ANKRD31: variants seen among roughly 807,000 people sequenced by gnomAD.
The protein encoded by ANKRD31 is ankyrin repeat domain 31.
In ANKRD31, 147 loss-of-function variants were observed where a neutral mutation model predicts 186.0. The ratio of observed to expected loss-of-function variants is 0.79; its 90% confidence interval spans 0.69 to 0.91. The LOEUF is 0.91. Ranked by LOEUF, ANKRD31 falls within the 40% of genes least tolerant of loss-of-function variation. The pLI is 0.00. For missense variants in ANKRD31, 1,986 were observed against 2,148.8 expected (o/e 0.92, Z 1.50); for synonymous variants, 673 against 736.4 (o/e 0.91, Z 1.39).
chr5:75,095,473 C>A (rs74934794), intron 22 of ANKRD31, among the ~76,000 whole-genome samples: 36 of 144,742 alleles, frequency 2.5e-4, no homozygotes, highest in South Asian at 4.4e-4. Context: ...GACTCCGTCT[C>A]AAAAAAAAAA....
intron 13 of ANKRD31, among the ~76,000 whole-genome samples, chr5:75,148,282 A>T (rs1056745967): frequency 6.6e-6 from 1 of 151,744 alleles, no homozygotes; most frequent in Admixed American, 6.6e-5. Flanking sequence ...AATACCTTTG[A>T]CTCTTTCCTG....
chr5:75,080,613 G>A lies in ANKRD31; in HGVS notation c.5602C>T (p.Gln1868Ter), dbSNP rs1475640497. The A allele has an allele frequency of 1.3e-6, 2 of 1,526,766 alleles. No homozygotes were observed. Among genetic ancestry groups the A allele is most frequent in the Admixed American group, 2.0e-5 (1 of 49,056 alleles). 94.6% of individuals were successfully genotyped at this position (1,526,766 alleles called of 1,614,324 possible). The change falls in exon 25 of 26, where the codon CAG becomes TAG. Residue 1868 changes from glutamine (Q) to a stop codon, truncating the protein, a stop_gained. Transcript: ENST00000506364. LOFTEE classifies it high-confidence loss of function. ...PEVACLDDPV[Q>*]EPNKSMFEKT... The stretch of plus-strand genomic sequence containing the variant: ...TCAAACATTGATTTGTTTGGTTCCT[G>A]TACTGGGTCATCTAAACAAGCAACT...
intron 12 of ANKRD31, 151 bp downstream of exon 12, chr5:75,154,050 G>T: frequency 1.3e-6 from 1 of 746,276 alleles, no homozygotes; most frequent in Non-Finnish European, 1.9e-6. Context: ...ACAAGTCAGT[G>T]TGATTTATTA....
chr5:75,068,998 T>A (rs1296010645), intron 25 of ANKRD31, among the ~76,000 whole-genome samples: 1 of 152,194 alleles, frequency 6.6e-6, no homozygotes, highest in African/African-American at 2.4e-5. Flanking sequence ...AGATTTTGCA[T>A]GTGAAATTCT....
At chr5:75,224,927 C>T (rs1354495553) in intron 2 of ANKRD31, among the ~76,000 whole-genome samples, 1 of 152,024 alleles carries the variant, frequency 6.6e-6, no homozygotes, top group African/African-American at 2.4e-5. Flanking sequence ...AATGCTCTTA[C>T]AAATCAATAA....
chr5:75,114,751 TAA>T (rs1488108375), intron 19 of ANKRD31, among the ~76,000 whole-genome samples: 22 of 152,064 alleles, frequency 1.4e-4, no homozygotes, highest in Non-Finnish European at 1.6e-4. Context: ...CTCAACGAAA[TAA>T]AAGAGGATAC....
intron 22 of ANKRD31, among the ~76,000 whole-genome samples, chr5:75,093,221 C>T (rs531770519): frequency 2.0e-5 from 3 of 152,272 alleles, no homozygotes; most frequent in South Asian, 4.2e-4. Flanking sequence ...TGGCTCACAC[C>T]TGCAATTCCA....
chr5:75,181,373 T>A (rs1754279013), intron 10 of ANKRD31, among the ~76,000 whole-genome samples: 1 of 152,088 alleles, frequency 6.6e-6, no homozygotes, highest in Admixed American at 6.6e-5. Context: ...GACCCAGCCA[T>A]CCCATTACTG....
At chr5:75,228,020 T>C (rs979984834) in intron 2 of ANKRD31, among the ~76,000 whole-genome samples, 1 of 152,220 alleles carries the variant, frequency 6.6e-6, no homozygotes, top group Non-Finnish European at 1.5e-5. Context: ...TTATCTTCCA[T>C]GAAACTGGTC....
chr5:75,138,009 AAAAAG>A lies in ANKRD31; in HGVS notation c.3734-16_3734-12del. The A allele has an allele frequency of 2.8e-6, 4 of 1,406,966 alleles. No homozygotes were observed. Among genetic ancestry groups the A allele is most frequent in the South Asian group, 1.5e-5 (1 of 65,544 alleles). 87.2% of individuals were successfully genotyped at this position (1,406,966 alleles called of 1,614,324 possible). A position where few individuals can be genotyped will look rare whatever the true frequency, so the allele number is the denominator to read the frequency against. ...GAAGTGGTGTCCAACCTAAAAAAAG[AAAAAG>A]AAAAAAAAAAACCCTGCTTCATGCG... On this transcript the variant is annotated splice_polypyrimidine_tract_variant and intron_variant, in intron 16 of 25. Coordinates refer to ENST00000506364, the MANE Select transcript of ANKRD31 (RefSeq NM_001372053.1).
intron 11 of ANKRD31, among the ~76,000 whole-genome samples, chr5:75,158,716 C>T (rs780659263): frequency 1.4e-4 from 21 of 152,028 alleles, no homozygotes; most frequent in Non-Finnish European, 2.4e-4. Flanking sequence ...CACCTGTTCC[C>T]AAAAATTCGA....
chr5:75,086,132 C>A (rs1216706189), intron 23 of ANKRD31, among the ~76,000 whole-genome samples: 1 of 152,226 alleles, frequency 6.6e-6, no homozygotes, highest in African/African-American at 2.4e-5. Flanking sequence ...ATAAATCCAT[C>A]AAAGTGCAGG....
At chr5:75,197,219 C>T (rs16872455) in intron 6 of ANKRD31, among the ~76,000 whole-genome samples, 3,977 of 152,254 alleles carry the variant, frequency 0.026, 160 homozygotes, top group African/African-American at 0.091. Flanking sequence ...GTTTCTAATA[C>T]TCAAAATACT....
intron 23 of ANKRD31, among the ~76,000 whole-genome samples, chr5:75,085,558 C>G (rs1381950562): frequency 1.3e-5 from 2 of 152,028 alleles, no homozygotes; most frequent in South Asian, 4.1e-4. Flanking sequence ...TGCGCCACCA[C>G]GCCTGGCTAA....
Position 75,178,317 on chromosome 5 carries a change from C to A in ANKRD31, c.1565-9196G>T, listed in dbSNP as rs550242376. Among the ~76,000 whole-genome samples the A allele has an allele frequency of 1.2e-4, 18 of 152,278 alleles. 1 individual carries two copies. The South Asian group carries it at 1.7e-3, about 14-fold the overall frequency. ...TTAACACCCCACTGTCAACATTAGACAGATCAATGAGACAGAAAGTTAACA... is the reference window on the plus strand; with the variant it reads ...TTAACACCCCACTGTCAACATTAGAAAGATCAATGAGACAGAAAGTTAACA... On this transcript the variant is annotated intron_variant, in intron 10 of 25. Coordinates refer to ENST00000506364, the MANE Select transcript of ANKRD31 (RefSeq NM_001372053.1).
At chr5:75,234,263 C>T (rs967949865) in intron 1 of ANKRD31, among the ~76,000 whole-genome samples, 2 of 152,212 alleles carry the variant, frequency 1.3e-5, no homozygotes, top group African/African-American at 4.8e-5. Context: ...AGTCTTAATA[C>T]AAGTAGAATT....
chr5:75,171,815 T>C (rs1753346163), intron 10 of ANKRD31, among the ~76,000 whole-genome samples: 1 of 151,416 alleles, frequency 6.6e-6, no homozygotes, highest in African/African-American at 2.4e-5. Flanking sequence ...TAGGCCCAGA[T>C]GGTTTCACTC....
intron 5 of ANKRD31, among the ~76,000 whole-genome samples, chr5:75,205,593 G>A (rs915358102): frequency 6.6e-6 from 1 of 152,158 alleles, no homozygotes; most frequent in African/African-American, 2.4e-5. Context: ...CAATATTAAA[G>A]ACCAAACTCT....
intron 3 of ANKRD31, 107 bp from the exon 4 acceptor site, chr5:75,210,972 TC>T: frequency 2.7e-6 from 2 of 727,942 alleles, no homozygotes. Context: ...TTTCTTAGCT[TC>T]TTTTTATGGT....
Sources: allele counts gnomAD v4.1 joint callset (sites outside exome capture counted in the v4.1 genomes callset), GRCh38; gene constraint gnomAD v4.1.1; transcripts MANE v1.5; gene names NCBI Gene and HGNC (gene_info 2026-07-23, HGNC 2026-07-21).